Variants in BTBD9 observed in about 807,000 individuals in gnomAD.
The protein encoded by BTBD9 is BTB/POZ domain-containing protein 9.
A neutral mutation model predicts 64.3 loss-of-function variants in BTBD9; 49 were observed. That is an observed-to-expected ratio of 0.76 (90% CI 0.61 to 0.97). BTBD9 has a LOEUF of 0.97. BTBD9 is among the 50% of genes least tolerant of loss of function. The pLI, the probability that BTBD9 is intolerant of heterozygous loss-of-function variation, is 0.00. For missense variants in BTBD9, 598 were observed against 762.1 expected, an observed-to-expected ratio of 0.78 and a Z score of 2.53; for synonymous variants, 260 against 274.7, an observed-to-expected ratio of 0.95 and a Z score of 0.53.
chr6:38,457,762 G>A (rs1769885693), intron 6 of BTBD9, among the ~76,000 whole-genome samples: 1 of 152,134 alleles, frequency 6.6e-6, no homozygotes, highest in African/African-American at 2.4e-5. Flanking sequence ...AGAGAAAATA[G>A]GGAGTTCAGG....
chr6:38,180,409 G>C (rs1333155037), intron 10 of BTBD9, among the ~76,000 whole-genome samples: 1 of 152,198 alleles, frequency 6.6e-6, no homozygotes, highest in Non-Finnish European at 1.5e-5. Context: ...GCAGCTTGGA[G>C]GAAGTCATCA....
At chr6:38,579,782 G>C (rs1009461552) in intron 5 of BTBD9, among the ~76,000 whole-genome samples, 1 of 152,104 alleles carries the variant, frequency 6.6e-6, no homozygotes, top group African/African-American at 2.4e-5. Flanking sequence ...AAAGGGTAGA[G>C]TGTTCACAAT....
intron 4 of BTBD9, among the ~76,000 whole-genome samples, chr6:38,588,951 A>T (rs983627968): frequency 2.6e-5 from 4 of 152,222 alleles, no homozygotes; most frequent in South Asian, 2.1e-4. Context: ...TGATTGAATT[A>T]AAAAAACCTA....
At chr6:38,347,669 C>G (rs918434148) in intron 6 of BTBD9, among the ~76,000 whole-genome samples, 1 of 152,126 alleles carries the variant, frequency 6.6e-6, no homozygotes, top group African/African-American at 2.4e-5. Context: ...ATTAATGGCC[C>G]AACATCAATG....
intron 6 of BTBD9, among the ~76,000 whole-genome samples, chr6:38,517,177 G>A (rs1235273331): frequency 6.6e-6 from 1 of 152,184 alleles, no homozygotes; most frequent in Non-Finnish European, 1.5e-5. Context: ...TGATCTGTGA[G>A]CTCTGGAACA....
chr6:38,454,481 C>A (rs1206624846), intron 6 of BTBD9, among the ~76,000 whole-genome samples: 1 of 145,754 alleles, frequency 6.9e-6, no homozygotes, highest in African/African-American at 2.5e-5. Context: ...AATATAGGGC[C>A]AATATTTAAT....
intron 8 of BTBD9, among the ~76,000 whole-genome samples, chr6:38,277,209 A>G (rs1761302241): frequency 6.6e-6 from 1 of 152,222 alleles, no homozygotes; most frequent in Non-Finnish European, 1.5e-5. Context: ...AGTGTTTGCA[A>G]CAGAAACTTG....
chr6:38,387,737 T>C (rs796541818), intron 6 of BTBD9, among the ~76,000 whole-genome samples: 18 of 152,244 alleles, frequency 1.2e-4, no homozygotes, highest in African/African-American at 4.3e-4. Flanking sequence ...TTTTGTTCCA[T>C]TTATGCCCAG....
intron 4 of BTBD9, among the ~76,000 whole-genome samples, chr6:38,584,981 C>T (rs574656301): frequency 1.3e-5 from 2 of 151,942 alleles, no homozygotes; most frequent in Non-Finnish European, 2.9e-5. Context: ...CCAGTTCTGG[C>T]ATTGAATTCA....
chr6:38,286,837 T>C (rs1736196975), intron 8 of BTBD9, among the ~76,000 whole-genome samples: 1 of 152,014 alleles, frequency 6.6e-6, no homozygotes, highest in African/African-American at 2.4e-5. Context: ...ATCCCAGCAC[T>C]TTGGGAGGCC....
At chr6:38,471,429 A>T (rs962946206) in intron 6 of BTBD9, among the ~76,000 whole-genome samples, 5 of 152,182 alleles carry the variant, frequency 3.3e-5, no homozygotes, top group Non-Finnish European at 5.9e-5. Context: ...AACTTGTATA[A>T]CTAAGATTAA....
At chr6:38,548,535 T>C (rs1774657286) in intron 6 of BTBD9, among the ~76,000 whole-genome samples, 1 of 152,166 alleles carries the variant, frequency 6.6e-6, no homozygotes, top group South Asian at 2.1e-4. Context: ...AAGTTCAAAA[T>C]CGTGCATTCC....
At chr6:38,189,117 C>G (rs772331876) in intron 10 of BTBD9, among the ~76,000 whole-genome samples, 1 of 152,212 alleles carries the variant, frequency 6.6e-6, no homozygotes, top group Non-Finnish European at 1.5e-5. Flanking sequence ...ACCCTGACCC[C>G]TGTTTTTGAT....
chr6:38,493,959 T>C (rs1484871389), intron 6 of BTBD9, among the ~76,000 whole-genome samples: 1 of 152,254 alleles, frequency 6.6e-6, no homozygotes, highest in African/African-American at 2.4e-5. Flanking sequence ...TTTCGATAAC[T>C]TGAAATGAAG....
intron 7 of BTBD9, among the ~76,000 whole-genome samples, chr6:38,301,273 T>G (rs1762392069): frequency 6.6e-6 from 1 of 152,238 alleles, no homozygotes; most frequent in Non-Finnish European, 1.5e-5. Context: ...AGTATTTTAT[T>G]GAGGATTTTT....
At chr6:38,254,230 G>C (rs192795208) in intron 9 of BTBD9, among the ~76,000 whole-genome samples, 65 of 151,768 alleles carry the variant, frequency 4.3e-4, no homozygotes, top group African/African-American at 1.3e-3. Context: ...CACACACACT[G>C]ACTGTCCCAT....
intron 7 of BTBD9, among the ~76,000 whole-genome samples, chr6:38,311,835 A>C (rs1379912569): frequency 6.6e-6 from 1 of 152,090 alleles, no homozygotes; most frequent in Non-Finnish European, 1.5e-5. Flanking sequence ...AAGATCAATA[A>C]TTTAGAGTAC....
In BTBD9 at chr6:38,513,572, T is replaced by A. The variant is rs141118135; in HGVS notation, c.1154+64028A>T. Among the ~76,000 whole-genome samples the A allele has an allele frequency of 1.3e-3, 198 of 152,138 alleles. 4 individuals carry two copies. The East Asian group carries it at 0.017, about 13-fold the overall frequency. ...GGGCTGACAGTAAAATCAAATTAGG[T>A]CTACTACTCATAAAAATGAACCCAA... On this transcript the variant is annotated intron_variant, in intron 6 of 10. Transcript: ENST00000481247.
chr6:38,294,146 G>A (rs565180375), intron 7 of BTBD9, among the ~76,000 whole-genome samples: 2 of 152,216 alleles, frequency 1.3e-5, no homozygotes, highest in East Asian at 1.9e-4. Context: ...TTAGAATGGC[G>A]ATCATTAAAA....
Sources: allele counts gnomAD v4.1 joint callset (sites outside exome capture counted in the v4.1 genomes callset), GRCh38; gene constraint gnomAD v4.1.1; transcripts MANE v1.5; gene names NCBI Gene and HGNC (gene_info 2026-07-23, HGNC 2026-07-21).